The following HSD17B3 variants were observed in gnomAD, a reference collection of about 807,000 sequenced individuals.
HSD17B3 encodes 17-beta-hydroxysteroid dehydrogenase type 3.
In HSD17B3, 29 loss-of-function variants were observed where a neutral mutation model predicts 41.1. The observed-to-expected ratio is 0.71, with a 90% confidence interval of 0.53 to 0.96. HSD17B3 has a LOEUF of 0.96. Ranked by LOEUF, HSD17B3 falls within the 40% of genes least tolerant of loss-of-function variation. The pLI is 0.00. For missense variants in HSD17B3, 323 were observed against 374.6 expected (o/e 0.86, Z 1.14); for synonymous variants, 126 against 145.6 (o/e 0.87, Z 0.97).
Position 96,302,169 on chromosome 9 carries a change from G to A in HSD17B3, c.-65C>T. On this transcript the variant is annotated 5_prime_UTR_variant, in exon 1 of 11. Coordinates refer to ENST00000375263, the MANE Select transcript of HSD17B3 (RefSeq NM_000197.2). ...CTCTGTGTATGCCTCCTGGGACCACGCTGCTCTGGAGACCTCCAGATCTTC... is the reference window on the plus strand; with the variant it reads ...CTCTGTGTATGCCTCCTGGGACCACACTGCTCTGGAGACCTCCAGATCTTC... 13 of 1,544,802 alleles carry A rather than the reference G, an allele frequency of 8.4e-6. No individual in the cohort carries two copies. In the Middle Eastern group the frequency reaches 5.6e-4, roughly 66 times the overall value.
chr9:96,292,026 C>A (rs1467434261), intron 2 of HSD17B3, among the ~76,000 whole-genome samples: 2 of 151,770 alleles, frequency 1.3e-5, no homozygotes, highest in Non-Finnish European at 2.9e-5. Context: ...ATAGAAAAAT[C>A]TCTGCAAAGA....
At chr9:96,298,631 GA>G (rs1827454234) in intron 1 of HSD17B3, among the ~76,000 whole-genome samples, 169 bp from the exon 2 acceptor site, 1 of 152,202 alleles carries the variant, frequency 6.6e-6, no homozygotes, top group Admixed American at 6.5e-5. Context: ...ACATTCAGGT[GA>G]AAGGATTGTT....
At chr9:96,296,938 G>A (rs1379769300) in intron 2 of HSD17B3, among the ~76,000 whole-genome samples, 1 of 151,914 alleles carries the variant, frequency 6.6e-6, no homozygotes, top group African/African-American at 2.4e-5. Context: ...GGGAGGCTGA[G>A]GTGGGAGGAT....
At chr9:96,244,108 C>T (rs568083303) in intron 9 of HSD17B3, among the ~76,000 whole-genome samples, 51 of 152,258 alleles carry the variant, frequency 3.3e-4, no homozygotes, top group Non-Finnish European at 4.7e-4. Context: ...ACCCAGGGCA[C>T]GGGGGAGGGC....
chr9:96,291,963 A>G (rs946722244), intron 2 of HSD17B3, among the ~76,000 whole-genome samples: 4 of 152,136 alleles, frequency 2.6e-5, no homozygotes, highest in African/African-American at 9.7e-5. Flanking sequence ...TCTCAAAAAA[A>G]GAAAAAAAAA....
intron 3 of HSD17B3, among the ~76,000 whole-genome samples, chr9:96,254,578 G>A (rs1256437064): frequency 1.3e-5 from 2 of 152,162 alleles, no homozygotes; most frequent in Non-Finnish European, 2.9e-5. Context: ...TGGAAAGCCC[G>A]CTCAAGGTTG....
Position 96,289,471 on chromosome 9 carries a change from C to G in HSD17B3, c.201+8945G>C, listed in dbSNP as rs76540777. Among the ~76,000 whole-genome samples, 3,150 of 152,248 alleles carry G rather than the reference C, an allele frequency of 0.021. 217 individuals are homozygous for G. The East Asian group carries it at 0.24, about 12-fold the overall frequency. ...TGTTCTCTCCATGGAAAATTCCCTA[C>G]CCCCACCTCTAGCCTCCATTTTTGA... On this transcript the variant is annotated intron_variant, in intron 2 of 10. Transcript: ENST00000375263.
chr9:96,286,478 T>C (rs1420334279), intron 2 of HSD17B3, among the ~76,000 whole-genome samples: 1 of 152,016 alleles, frequency 6.6e-6, no homozygotes. Context: ...CACTTGAGGT[T>C]AGGAGTTCAA....
intron 10 of HSD17B3, among the ~76,000 whole-genome samples, chr9:96,237,140 C>T (rs530584482): frequency 2.1e-4 from 32 of 152,302 alleles, no homozygotes; most frequent in Non-Finnish European, 3.5e-4. Context: ...AAAGTCAAGC[C>T]CTTTCAGTAG....
intron 7 of HSD17B3, 73 bp from the exon 8 acceptor site, chr9:96,245,499 G>T: frequency 8.7e-7 from 1 of 1,150,804 alleles, no homozygotes; most frequent in South Asian, 1.2e-5. Flanking sequence ...AAAACAAAGG[G>T]TCCCGTGTGA....
At chr9:96,261,291 G>A (rs1342498580) in intron 2 of HSD17B3, among the ~76,000 whole-genome samples, 1 of 152,148 alleles carries the variant, frequency 6.6e-6, no homozygotes, top group Non-Finnish European at 1.5e-5. Flanking sequence ...AGCCTCCCAG[G>A]TTCAAGGGAT....
chr9:96,242,982 A>G (rs1223202118), intron 9 of HSD17B3, among the ~76,000 whole-genome samples: 4 of 152,158 alleles, frequency 2.6e-5, no homozygotes, highest in Non-Finnish European at 2.9e-5. Context: ...GACATGTGTC[A>G]TCTCTGGGCC....
At chr9:96,242,758 G>A (rs1288065606) in intron 9 of HSD17B3, among the ~76,000 whole-genome samples, 2 of 152,032 alleles carry the variant, frequency 1.3e-5, no homozygotes, top group Non-Finnish European at 2.9e-5. Context: ...CCACTACCTC[G>A]GCAGCTGTGC....
At chr9:96,241,154 G>C (rs1564022826) in intron 9 of HSD17B3, among the ~76,000 whole-genome samples, 1 of 152,184 alleles carries the variant, frequency 6.6e-6, no homozygotes, top group Non-Finnish European at 1.5e-5. Flanking sequence ...CACACAGTGT[G>C]AATGGGAAGA....
chr9:96,289,127 G>GAA (rs200443748), intron 2 of HSD17B3, among the ~76,000 whole-genome samples: 2 of 142,624 alleles, frequency 1.4e-5, no homozygotes, highest in Admixed American at 7.0e-5. Context: ...AACAAAAACA[G>GAA]AAAAAAAAAA....
chr9:96,255,834 C>G (rs978676163), intron 2 of HSD17B3, among the ~76,000 whole-genome samples: 2 of 152,126 alleles, frequency 1.3e-5, no homozygotes, highest in African/African-American at 4.8e-5. Flanking sequence ...TGGACGCGTC[C>G]CCTGAGATCA....
At chr9:96,276,162 T>C (rs7037679) in intron 2 of HSD17B3, among the ~76,000 whole-genome samples, 5,829 of 94,164 alleles carry the variant, frequency 0.062, 437 homozygotes, top group African/African-American at 0.2. Context: ...CGATTCACAA[T>C]AGCAACAAAA....
At chr9:96,242,032 TAAA>T (rs59060950) in intron 9 of HSD17B3, among the ~76,000 whole-genome samples, 1 of 136,278 alleles carries the variant, frequency 7.3e-6, no homozygotes, top group African/African-American at 2.7e-5. Flanking sequence ...AAAGAAAAAG[TAAA>T]AAAAAAAATC....
At position 96,235,529 on chromosome 9, in the gene HSD17B3, G is replaced by C. The variant is rs552614077; in HGVS notation, c.864C>G (p.Ser288Arg). The part of the protein sequence containing the change: ...LSLIPAWAFY[S>R]GAFQRLLLTH... Reference sequence around the variant, plus strand: ...TCAGGAGCAGCCTTTGGAAGGCACCGCTGTAGAAGGCCCAGGCCGGGATCA... The same window carrying C: ...TCAGGAGCAGCCTTTGGAAGGCACCCCTGTAGAAGGCCCAGGCCGGGATCA... The change falls in exon 11 of 11, where the codon AGC becomes AGG. Residue 288 changes from serine (S) to arginine (R), a missense_variant. Physicochemically the swap from Ser to Arg is moderately radical, Grantham distance 110 (BLOSUM62 -1). Coordinates refer to ENST00000375263, the MANE Select transcript of HSD17B3 (RefSeq NM_000197.2). The C allele has an allele frequency of 6.2e-7, 1 of 1,614,016 alleles. No individual in the cohort carries two copies. Among genetic ancestry groups the C allele is most frequent in the African/African-American group, 1.3e-5 (1 of 74,958 alleles).
Sources: gnomAD v4.1 joint callset for allele counts (sites outside exome capture counted in the v4.1 genomes callset) on GRCh38, gnomAD v4.1.1 for gene constraint, MANE v1.5 for transcripts, NCBI Gene and HGNC (gene_info 2026-07-23, HGNC 2026-07-21) for gene names.